TAF3: variants seen among roughly 807,000 people sequenced by gnomAD.
The protein encoded by TAF3 is TATA-box binding protein associated factor 3.
A neutral mutation model predicts 80.6 loss-of-function variants in TAF3; 7 were observed. The ratio of observed to expected loss-of-function variants is 0.09; its 90% confidence interval spans 0.05 to 0.16. TAF3 has a LOEUF of 0.16. Ranked by LOEUF, TAF3 falls within the 10% of genes least tolerant of loss-of-function variation. The probability of loss-of-function intolerance (pLI) is 1.00; values close to 1 mark genes in which losing one functional copy is unlikely to be tolerated. For missense variants in TAF3, 921 were observed against 1,140.2 expected (o/e 0.81, Z 2.77); for synonymous variants, 444 against 446.1 (o/e 1.00, Z 0.06).
intron 2 of TAF3, among the ~76,000 whole-genome samples, chr10:7,873,540 A>G (rs1175269610): frequency 6.6e-6 from 1 of 151,752 alleles, no homozygotes; most frequent in East Asian, 1.9e-4. Flanking sequence ...GTTTAGTAGA[A>G]CTGGAACAAA....
chr10:7,960,285 C>T (rs1838176659), intron 2 of TAF3, among the ~76,000 whole-genome samples: 1 of 152,164 alleles, frequency 6.6e-6, no homozygotes, highest in African/African-American at 2.4e-5. Context: ...TGAAGTCCGC[C>T]TTGTCATTCT....
chr10:7,990,771 AGT>A (rs1377506067), intron 4 of TAF3, among the ~76,000 whole-genome samples: 1 of 152,142 alleles, frequency 6.6e-6, no homozygotes, highest in Non-Finnish European at 1.5e-5. Flanking sequence ...GTGGGAGTGG[AGT>A]GAAGAGGAAG....
intron 2 of TAF3, among the ~76,000 whole-genome samples, chr10:7,922,115 C>T (rs997773865): frequency 6.6e-6 from 1 of 152,036 alleles, no homozygotes; most frequent in Non-Finnish European, 1.5e-5. Flanking sequence ...TATTCAAACT[C>T]GAAGGAATTT....
At chr10:7,948,584 T>C (rs1838050142) in intron 2 of TAF3, among the ~76,000 whole-genome samples, 1 of 152,202 alleles carries the variant, frequency 6.6e-6, no homozygotes, top group Non-Finnish European at 1.5e-5. Context: ...GGCTTTTGCA[T>C]ATGGATGGTC....
chr10:7,860,308 T>A (rs1837131395), intron 2 of TAF3, among the ~76,000 whole-genome samples: 1 of 150,634 alleles, frequency 6.6e-6, no homozygotes, highest in Non-Finnish European at 1.5e-5. Flanking sequence ...AAAAGAAAAA[T>A]TCAAGAAATG....
intron 2 of TAF3, among the ~76,000 whole-genome samples, chr10:7,960,372 G>T (rs528615832): frequency 1.2e-4 from 19 of 152,190 alleles, no homozygotes; most frequent in Non-Finnish European, 2.2e-4. Flanking sequence ...GTCAGCAAAC[G>T]TTTTTTTGTA....
At chr10:7,859,307 T>C (rs889612729) in intron 2 of TAF3, among the ~76,000 whole-genome samples, 2 of 115,540 alleles carry the variant, frequency 1.7e-5, no homozygotes, top group Non-Finnish European at 3.7e-5. Context: ...AATAAATAAA[T>C]AAATAAATAA....
intron 2 of TAF3, among the ~76,000 whole-genome samples, chr10:7,950,304 C>A (rs1048609316): frequency 6.6e-6 from 1 of 152,086 alleles, no homozygotes; most frequent in African/African-American, 2.4e-5. Context: ...AGAGTGTTCC[C>A]ATGGGAGGGG....
At chr10:7,861,185 C>T (rs7902732) in intron 2 of TAF3, among the ~76,000 whole-genome samples, 24,234 of 152,020 alleles carry the variant, frequency 0.16, 2,046 homozygotes, top group Admixed American at 0.22. Context: ...AGGGTGGTCT[C>T]GATCTCCTGA....
At chr10:7,894,595 A>T (rs938418396) in intron 2 of TAF3, among the ~76,000 whole-genome samples, 2 of 152,206 alleles carry the variant, frequency 1.3e-5, no homozygotes, top group African/African-American at 2.4e-5. Flanking sequence ...ATTTTCTGGG[A>T]ACCTATTTTC....
In TAF3 at chr10:8,002,503, A is replaced by T. The variant is rs891140845; in HGVS notation, c.2316-6575A>T. Reference sequence around the variant, plus strand: ...AACCATCATGTTAAAAGCTGAGGACATAGAAATTAGAAAGGCTTTTTGTTC... The same window carrying T: ...AACCATCATGTTAAAAGCTGAGGACTTAGAAATTAGAAAGGCTTTTTGTTC... On this transcript the variant is annotated intron_variant, in intron 4 of 6. Transcript: ENST00000344293. 2.0e-5 allele frequency among the ~76,000 whole-genome samples: 3 copies of T among 152,348 alleles called. No individual in the cohort carries two copies. The East Asian group carries it at 5.8e-4, about 29-fold the overall frequency.
chr10:7,901,465 A>C (rs1837558254), intron 2 of TAF3, among the ~76,000 whole-genome samples: 1 of 152,222 alleles, frequency 6.6e-6, no homozygotes, highest in South Asian at 2.1e-4. Flanking sequence ...TTGCTATTTA[A>C]TGTTGTTTTT....
chr10:7,891,420 G>A (rs1837456293), intron 2 of TAF3, among the ~76,000 whole-genome samples: 1 of 152,040 alleles, frequency 6.6e-6, no homozygotes, highest in African/African-American at 2.4e-5. Context: ...TATGAAAAAG[G>A]TAGTTATTTT....
At chr10:7,897,763 G>A (rs568627967) in intron 2 of TAF3, among the ~76,000 whole-genome samples, 3 of 151,468 alleles carry the variant, frequency 2.0e-5, no homozygotes, top group African/African-American at 4.8e-5. Flanking sequence ...GGGCTCAAGC[G>A]AGCCTCCTGC....
At chr10:7,975,083 A>G (rs1588573220) in intron 3 of TAF3, 1 of 135,592 alleles carries the variant, frequency 7.4e-6, no homozygotes, top group Non-Finnish European at 1.7e-5. Flanking sequence ...AAAAAAAAAA[A>G]AAAAAAAAAG....
intron 4 of TAF3, among the ~76,000 whole-genome samples, chr10:8,002,416 A>G (rs771016199): frequency 1.4e-4 from 21 of 152,202 alleles, no homozygotes; most frequent in Non-Finnish European, 2.8e-4. Context: ...CATCTGGAAA[A>G]TTACTACTTT....
intron 2 of TAF3, among the ~76,000 whole-genome samples, chr10:7,881,251 AC>A (rs200753513): frequency 2.8e-4 from 42 of 151,128 alleles, no homozygotes; most frequent in Admixed American, 2.4e-3. Flanking sequence ...AAAAAAAAAA[AC>A]AAAAAAAAAA....
chr10:7,862,090 T>A (rs1837154021), intron 2 of TAF3, among the ~76,000 whole-genome samples: 1 of 152,192 alleles, frequency 6.6e-6, no homozygotes, highest in Non-Finnish European at 1.5e-5. Context: ...ATTTCAGATA[T>A]AATATTTTTC....
At chr10:7,979,330 C>G (rs1421573762) in intron 4 of TAF3, among the ~76,000 whole-genome samples, 3 of 128,548 alleles carry the variant, frequency 2.3e-5, no homozygotes, top group Non-Finnish European at 4.9e-5. Context: ...GGCAACAGAA[C>G]AAGTCTCTGT....
Sources: gnomAD v4.1 joint callset for allele counts (sites outside exome capture counted in the v4.1 genomes callset) on GRCh38, gnomAD v4.1.1 for gene constraint, MANE v1.5 for transcripts, NCBI Gene and HGNC (gene_info 2026-07-23, HGNC 2026-07-21) for gene names.